Variants in PDIA4 observed in about 807,000 individuals in gnomAD.
PDIA4 encodes the protein protein disulfide isomerase family A member 4.
In PDIA4, 33 loss-of-function variants were observed where a neutral mutation model predicts 62.1. That is an observed-to-expected ratio of 0.53 (90% confidence interval 0.40 to 0.71). PDIA4 has a LOEUF of 0.71. Among genes scored for constraint, PDIA4 ranks in the 30% least tolerant of loss-of-function variants. PDIA4 has a pLI of 0.00. For synonymous variants in PDIA4, 341 were observed against 324.1 expected, an observed-to-expected ratio of 1.05 and a Z score of -0.56; for missense variants, 804 against 813.6, an observed-to-expected ratio of 0.99 and a Z score of 0.14.
At position 149,012,800 on chromosome 7, in the gene PDIA4, G is replaced by T. The variant is rs563900775; in HGVS notation, c.615-440C>A. Among the ~76,000 whole-genome samples, 287 of 152,298 alleles carry T rather than the reference G, an allele frequency of 1.9e-3. 2 individuals are homozygous for T. Among genetic ancestry groups the T allele is most frequent in the African/African-American group, 6.7e-3 (277 of 41,566 alleles). ...GCGAGGAATTAGCCAGGAGCCCACG[G>T]GAGGTGGGGCGAAGAGAGGGTCGGC... On this transcript the variant is annotated intron_variant, in intron 4 of 9. Transcript: ENST00000652332.
intron 2 of PDIA4, among the ~76,000 whole-genome samples, chr7:149,020,285 C>CT (rs1423789299): frequency 3.3e-5 from 5 of 152,172 alleles, no homozygotes; most frequent in Non-Finnish European, 7.3e-5. Flanking sequence ...AAATAAAACA[C>CT]TTGTGCTACG....
At chr7:149,013,799 A>G (rs1028836694) in intron 4 of PDIA4, among the ~76,000 whole-genome samples, 2 of 152,150 alleles carry the variant, frequency 1.3e-5, no homozygotes, top group Non-Finnish European at 1.5e-5. Flanking sequence ...ATCATCAACC[A>G]CTTCAGGGAA....
chr7:149,012,585 G>A (rs1275830348), intron 4 of PDIA4, among the ~76,000 whole-genome samples: 3 of 152,170 alleles, frequency 2.0e-5, no homozygotes, highest in Non-Finnish European at 2.9e-5. Context: ...GGTGGAGCAT[G>A]CGTACACACA....
chr7:149,017,943 T>C (rs1585424550), intron 3 of PDIA4, among the ~76,000 whole-genome samples: 2 of 151,990 alleles, frequency 1.3e-5, no homozygotes, highest in South Asian at 2.1e-4. Context: ...GAAATGCAAA[T>C]TATTGGGCGG....
intron 1 of PDIA4, among the ~76,000 whole-genome samples, chr7:149,023,005 G>A (rs6977370): frequency 0.89 from 135,359 of 152,218 alleles, 61,950 homozygotes; most frequent in Non-Finnish European, 1. Context: ...TCGGAGGAGG[G>A]AGAAAGAGCT....
At position 149,021,116 on chromosome 7, in the gene PDIA4, A is replaced by C; in HGVS notation, c.120T>G (p.Asp40Glu). ...DSSNRENAIE[D>E]EEEEEEEDDD... is the part of the protein sequence containing the mutation. ...CATCTTCCTCCTCCTCCTCCTCTTC[A>C]TCCTCAATGGCATTTTCTCTGTTAG... Residue 40 changes from aspartate to glutamate, a missense_variant, in exon 2 of 10, where the codon GAT becomes GAG. Asp to Glu is a conservative substitution (Grantham distance 45). Coordinates refer to ENST00000652332, the MANE Select transcript of PDIA4 (RefSeq NM_004911.5). The C allele has an allele frequency of 6.2e-7, 1 of 1,604,036 alleles. No homozygotes were observed.
chr7:149,021,929 G>A (rs1824367663), intron 1 of PDIA4, among the ~76,000 whole-genome samples: 1 of 152,064 alleles, frequency 6.6e-6, no homozygotes, highest in Non-Finnish European at 1.5e-5. Flanking sequence ...ACCGCATTTC[G>A]TGATCTCGCC....
intron 3 of PDIA4, among the ~76,000 whole-genome samples, chr7:149,016,334 G>A (rs1824138769): frequency 6.6e-6 from 1 of 152,196 alleles, no homozygotes; most frequent in African/African-American, 2.4e-5. Context: ...ATTTGTTTTA[G>A]ATTAAGTTCT....
intron 4 of PDIA4, among the ~76,000 whole-genome samples, chr7:149,014,174 G>A (rs1164271153): frequency 2.6e-5 from 4 of 152,162 alleles, no homozygotes; most frequent in South Asian, 2.1e-4. Context: ...GAACAAGGGT[G>A]TCCTGGTCCC....
In PDIA4 at chr7:149,008,459, T is replaced by C. The variant is rs1314550584; in HGVS notation, c.980-149A>G. ...CTCACGCCTGTAATCCCAGCACACT[T>C]TGGGAAGCCCAGGCAGGTGGATCAC... is the stretch of plus-strand genomic sequence containing the variant. On this transcript the variant is annotated intron_variant, in intron 6 of 9. Transcript: ENST00000652332. 7 of 736,774 alleles carry C rather than the reference T, an allele frequency of 9.5e-6. No homozygotes were observed. In the Admixed American group the frequency reaches 1.9e-4, roughly 20 times the overall value. 45.6% of individuals were successfully genotyped at this position (736,774 alleles called of 1,614,324 possible).
In PDIA4 at chr7:149,005,236, G is replaced by A. The variant is rs1457061527; in HGVS notation, c.1427C>T (p.Ala476Val). Residue 476 changes from alanine (A) to valine (V), a missense_variant, in exon 9 of 10, where the codon GCC (alanine) becomes GTC (valine). Coordinates refer to ENST00000652332, the MANE Select transcript of PDIA4 (RefSeq NM_004911.5). ...GLSESGEDVN[A>V]AILDESGKKF... ...CTTCCCACTCTCGTCCAGGATGGCG[G>A]CATTGACATCCTCCCCACTCTCGCT... is the stretch of plus-strand genomic sequence containing the variant. 1.2e-6 allele frequency: 2 copies of A among 1,614,022 alleles called. No individual in the cohort carries two copies. The highest frequency in any genetic ancestry group is 1.1e-5 in the South Asian group (1 of 91,078).
chr7:149,005,406 G>T, intron 8 of PDIA4, 32 bp from the exon 9 acceptor site: 2 of 1,408,998 alleles, frequency 1.4e-6, no homozygotes, highest in Non-Finnish European at 2.0e-6. Context: ...AAGCCAGGCG[G>T]CCACACAGAG....
rs374207775 is a variant in PDIA4, at chr7:149,021,074, G to A, written c.162C>T (p.Asp54=). 1.5e-5 allele frequency: 25 copies of A among 1,613,494 alleles called. No homozygotes were observed. Among genetic ancestry groups the A allele is most frequent in the Admixed American group, 1.3e-4 (8 of 59,958 alleles). ...CATTTTCTTCCTTAACTTCCAAGTC[G>A]TCTTCTTCCTCATCATCATCTTCCT... ...EEEEDDDEEE[D]DLEVKEENGV... is the part of the protein sequence containing the mutation. Residue 54 remains aspartate (D), a synonymous_variant, in exon 2 of 10, where the codon GAC becomes GAT. Coordinates refer to ENST00000652332, the MANE Select transcript of PDIA4 (RefSeq NM_004911.5).
chr7:149,008,958 C>T lies in PDIA4; in HGVS notation c.980-648G>A, dbSNP rs191900525. Among the ~76,000 whole-genome samples the T allele has an allele frequency of 1.8e-3, 269 of 152,252 alleles. 4 individuals are homozygous for T. Among genetic ancestry groups the T allele is most frequent in the Admixed American group, 0.014 (221 of 15,292 alleles). ...ATTATTTATTTGAGACGGGGTCTTG[C>T]TCTGTCCCCCAGGCTGGAGTGAAGT... On this transcript the variant is annotated intron_variant, in intron 6 of 9. Coordinates refer to ENST00000652332, the MANE Select transcript of PDIA4 (RefSeq NM_004911.5).
In PDIA4 at chr7:149,012,155, C is replaced by T. The variant is rs1357761931; in HGVS notation, c.820G>A (p.Gly274Arg). 6.2e-7 allele frequency: 1 copy of T among 1,614,066 alleles called. No individual in the cohort carries two copies. The highest frequency in any genetic ancestry group is 1.7e-5 in the Admixed American group (1 of 60,022). ...YDYNGPREKY[G>R]IVDYMIEQSG... Reference sequence around the variant, plus strand: ...GTGGGAGAGAAGGGAGTGGCCATACCATATTTTTCTCGTGGGCCGTTGTAG... The same window carrying T: ...GTGGGAGAGAAGGGAGTGGCCATACTATATTTTTCTCGTGGGCCGTTGTAG... Residue 274 changes from glycine to arginine, a missense_variant and splice_region_variant, in exon 5 of 10, where the codon GGA (glycine) becomes AGA (arginine). Physicochemically the swap from Gly to Arg is moderately radical, Grantham distance 125 (BLOSUM62 -2). Transcript: ENST00000652332.
In PDIA4 at chr7:149,020,899, C is replaced by T. The variant is rs1239487462; in HGVS notation, c.269+68G>A. ...CCCCACCCCCCAAGGTCTGGATGAC[C>T]GGGTGAAGGGCTGAGCGAATGGAGC... On this transcript the variant is annotated intron_variant, in intron 2 of 9. Coordinates refer to ENST00000652332, the MANE Select transcript of PDIA4 (RefSeq NM_004911.5). The T allele has an allele frequency of 1.2e-5, 18 of 1,555,716 alleles. 1 individual carries two copies. Among genetic ancestry groups the T allele is most frequent in the South Asian group, 6.1e-5 (5 of 81,672 alleles).
At position 149,021,127 on chromosome 7, in the gene PDIA4, C is replaced by T. The variant is rs1824333934; in HGVS notation, c.109G>A (p.Ala37Thr). The part of the protein sequence containing the change: ...PDEDSSNREN[A>T]IEDEEEEEEE... ...TCCTCCTCCTCTTCATCCTCAATGG[C>T]ATTTTCTCTGTTAGAAGAATCTGAG... is the stretch of plus-strand genomic sequence containing the variant. Residue 37 changes from alanine to threonine, a missense_variant, in exon 2 of 10, where the codon GCC (alanine) becomes ACC (threonine). Transcript: ENST00000652332. The T allele has an allele frequency of 1.9e-6, 3 of 1,597,844 alleles. No individual in the cohort carries two copies. In the East Asian group the frequency reaches 6.8e-5, roughly 36 times the overall value.
chr7:149,017,455 G>A (rs1824177242), intron 3 of PDIA4, among the ~76,000 whole-genome samples: 2 of 151,976 alleles, frequency 1.3e-5, no homozygotes, highest in South Asian at 4.1e-4. Flanking sequence ...GTGGTGGTGT[G>A]TCCCTGTAAT....
chr7:149,005,437 G>A (rs944814870), intron 8 of PDIA4, 63 bp from the exon 9 acceptor site: 3 of 1,048,392 alleles, frequency 2.9e-6, no homozygotes, highest in African/African-American at 3.1e-5. Context: ...CTCAGACTCT[G>A]AGGTCAGGCT....
Sources: gnomAD v4.1 joint callset for allele counts (sites outside exome capture counted in the v4.1 genomes callset) on GRCh38, gnomAD v4.1.1 for gene constraint, MANE v1.5 for transcripts, NCBI Gene and HGNC (gene_info 2026-07-23, HGNC 2026-07-21) for gene names.